Variants in MYCBP2 observed in about 807,000 individuals in gnomAD.
MYCBP2 encodes the protein MYC binding protein 2.
In MYCBP2, 120 loss-of-function variants were observed where a neutral mutation model predicts 525.3. The observed-to-expected ratio is 0.23, with a 90% CI of 0.20 to 0.27. MYCBP2 has a LOEUF of 0.27. MYCBP2 is among the 10% of genes least tolerant of loss of function. The pLI, the probability that MYCBP2 is intolerant of heterozygous loss-of-function variation, is 1.00. For missense variants in MYCBP2, 4,149 were observed against 5,657.1 expected, an observed-to-expected ratio of 0.73 and a Z score of 8.55; for synonymous variants, 1,894 against 1,955.8, an observed-to-expected ratio of 0.97 and a Z score of 0.83.
chr13:77,133,141 C>T (rs928662065), intron 52 of MYCBP2, among the ~76,000 whole-genome samples: 3 of 152,080 alleles, frequency 2.0e-5, no homozygotes, highest in Non-Finnish European at 4.4e-5. Context: ...TTAATGCATA[C>T]GGAACATAAA....
At chr13:77,112,845 A>T (rs1183848057) in intron 55 of MYCBP2, among the ~76,000 whole-genome samples, 2 of 152,188 alleles carry the variant, frequency 1.3e-5, no homozygotes, top group Non-Finnish European at 2.9e-5. Flanking sequence ...AACAACCTTG[A>T]TATACTTTTT....
intron 7 of MYCBP2, among the ~76,000 whole-genome samples, chr13:77,268,830 T>C (rs1218333128): frequency 2.0e-5 from 3 of 152,066 alleles, no homozygotes; most frequent in African/African-American, 7.2e-5. Flanking sequence ...GGTGATACAG[T>C]AGAATTATTC....
At chr13:77,204,971 C>T (rs983223101) in intron 26 of MYCBP2, among the ~76,000 whole-genome samples, 8 of 151,046 alleles carry the variant, frequency 5.3e-5, no homozygotes, top group East Asian at 1.9e-4. Flanking sequence ...GTGGGTGCAG[C>T]GCATCAGCAT....
chr13:77,235,869 G>C (rs2067840934), intron 17 of MYCBP2, among the ~76,000 whole-genome samples: 1 of 151,968 alleles, frequency 6.6e-6, no homozygotes, highest in Non-Finnish European at 1.5e-5. Flanking sequence ...GTCAAATAAA[G>C]GAGGTAACAA....
intron 55 of MYCBP2, among the ~76,000 whole-genome samples, chr13:77,103,824 G>A (rs1406010763): frequency 6.6e-6 from 1 of 151,878 alleles, no homozygotes; most frequent in Non-Finnish European, 1.5e-5. Context: ...CTACTTTTCT[G>A]GGTCCATCTT....
intron 12 of MYCBP2, 26 bp downstream of exon 12, chr13:77,261,145 A>G: frequency 6.5e-7 from 1 of 1,546,486 alleles, no homozygotes; most frequent in South Asian, 1.2e-5. Flanking sequence ...ATTTTTATTA[A>G]ATGCATAGTT....
rs147976490 is a variant in MYCBP2, at chr13:77,125,364, G to A, written c.7989C>T (p.Gly2663=). 8.1e-5 allele frequency: 130 copies of A among 1,613,806 alleles called. No individual in the cohort carries two copies. Among genetic ancestry groups the A allele is most frequent in the Middle Eastern group, 3.3e-4 (2 of 6,062 alleles). ...CTTCATGTCGGAGGTACTGGTTTCCGCCTCTGTCTCTAGCTAAGGACCATG... is the reference window on the plus strand; with the variant it reads ...CTTCATGTCGGAGGTACTGGTTTCCACCTCTGTCTCTAGCTAAGGACCATG... ...GEAWSLARDR[G]GNQYLRHEDE... The change falls in exon 54 of 83, where the codon GGC becomes GGT. Residue 2663 remains glycine (G), a synonymous_variant. Coordinates refer to ENST00000544440, the MANE Select transcript of MYCBP2 (RefSeq NM_015057.5).
At chr13:77,319,803 A>C (rs1488035656) in intron 1 of MYCBP2, among the ~76,000 whole-genome samples, 1 of 152,154 alleles carries the variant, frequency 6.6e-6, no homozygotes, top group African/African-American at 2.4e-5. Context: ...ATCGATTCTC[A>C]TTGCCAGCCA....
At chr13:77,128,130 C>T (rs1340530) in intron 52 of MYCBP2, among the ~76,000 whole-genome samples, 4,349 of 151,874 alleles carry the variant, frequency 0.029, 223 homozygotes, top group African/African-American at 0.097. Context: ...TGCAAACCTA[C>T]ATGAATACAC....
At position 77,273,710 on chromosome 13, in the gene MYCBP2, G is replaced by A. The variant is rs186599730; in HGVS notation, c.749-42C>T. On this transcript the variant is annotated intron_variant, in intron 4 of 82. Coordinates refer to ENST00000544440, the MANE Select transcript of MYCBP2 (RefSeq NM_015057.5). ...ATTCAATTATATTCATCCAACATAC[G>A]GAACATTATATGCGTATATTTATTT... 4,230 of 1,363,818 alleles carry A rather than the reference G, an allele frequency of 3.1e-3. 135 individuals are homozygous for A. Among genetic ancestry groups the A allele is most frequent in the Non-Finnish European group, 3.7e-4 (377 of 1,032,146 alleles). 84.5% of individuals were successfully genotyped at this position (1,363,818 alleles called of 1,614,324 possible).
rs565448127 is a variant in MYCBP2, at chr13:77,321,720, T to C, written c.302+4754A>G. On this transcript the variant is annotated intron_variant, in intron 1 of 82. Transcript: ENST00000544440. ...AGCCTAGAATGCCATGCCTTTGTCA[T>C]AGTAGGTTATACTTTCTTGGTCATT... Among the ~76,000 whole-genome samples, 9 of 152,370 alleles carry C rather than the reference T, an allele frequency of 5.9e-5. 1 individual carries two copies. Among genetic ancestry groups the C allele is most frequent in the African/African-American group, 1.4e-4 (6 of 41,590 alleles).
At chr13:77,303,546 G>A (rs554031972) in intron 1 of MYCBP2, among the ~76,000 whole-genome samples, 12 of 151,174 alleles carry the variant, frequency 7.9e-5, no homozygotes, top group Non-Finnish European at 1.6e-4. Flanking sequence ...AATTAAACGA[G>A]AAATTAAAAA....
At chr13:77,199,309 C>A (rs930844198) in intron 26 of MYCBP2, among the ~76,000 whole-genome samples, 4 of 152,256 alleles carry the variant, frequency 2.6e-5, no homozygotes, top group African/African-American at 4.8e-5. Flanking sequence ...GGGTCACTCC[C>A]ACCTGAATAC....
rs781503328 is a variant in MYCBP2 at position 77,093,283 on chromosome 13, C to A, written c.10249G>T (p.Asp3417Tyr). 1.9e-6 allele frequency: 3 copies of A among 1,613,296 alleles called. No homozygotes were observed. In the Admixed American group the frequency reaches 5.0e-5, roughly 27 times the overall value. Residue 3417 changes from aspartate to tyrosine, a missense_variant, in exon 59 of 83, where the codon GAT becomes TAT. Transcript: ENST00000544440. Reference protein sequence around the residue: ...VGYQDDNLFQDEMRYLRSTSV... With the variant: ...VGYQDDNLFQYEMRYLRSTSV... ...GTTGAACGTAGATATCTCATTTCAT[C>A]CTGGAATAGATTGTCATCTTGATAG...
chr13:77,174,272 A>C, intron 37 of MYCBP2, 39 bp downstream of exon 37: 1 of 1,598,742 alleles, frequency 6.3e-7, no homozygotes, highest in Non-Finnish European at 8.6e-7. Flanking sequence ...ATGTTCTACC[A>C]CTGTAAAGTA....
intron 80 of MYCBP2, 124 bp from the exon 81 acceptor site, chr13:77,052,042 T>A: frequency 1.4e-6 from 1 of 690,020 alleles, no homozygotes; most frequent in East Asian, 2.7e-5. Context: ...TACTAGACCA[T>A]CCCTTGAAAT....
At chr13:77,278,238 A>G (rs1009793094) in intron 4 of MYCBP2, among the ~76,000 whole-genome samples, 5 of 152,160 alleles carry the variant, frequency 3.3e-5, no homozygotes, top group African/African-American at 1.2e-4. Flanking sequence ...AGAGAAAGTG[A>G]ATGTTAGCTA....
chr13:77,132,538 A>G (rs1262421976), intron 52 of MYCBP2, among the ~76,000 whole-genome samples: 1 of 152,196 alleles, frequency 6.6e-6, no homozygotes, highest in Non-Finnish European at 1.5e-5. Flanking sequence ...GTATAAATGC[A>G]TGGAGATATA....
At chr13:77,316,013 C>T (rs947400273) in intron 1 of MYCBP2, among the ~76,000 whole-genome samples, 2 of 151,570 alleles carry the variant, frequency 1.3e-5, no homozygotes, top group Non-Finnish European at 2.9e-5. Flanking sequence ...TAATATCATA[C>T]TTAATGATTT....
Sources: allele counts gnomAD v4.1 joint callset (sites outside exome capture counted in the v4.1 genomes callset), GRCh38; gene constraint gnomAD v4.1.1; transcripts MANE v1.5; gene names NCBI Gene and HGNC (gene_info 2026-07-23, HGNC 2026-07-21).